The following PTPRG variants were observed in gnomAD, a reference collection of about 807,000 sequenced individuals.
PTPRG encodes the protein protein tyrosine phosphatase receptor type G.
PTPRG carries 102 observed loss-of-function variants against 165.3 expected under a neutral mutation model. The observed-to-expected ratio is 0.62, with a 90% CI of 0.53 to 0.73. The LOEUF (loss-of-function observed/expected upper bound fraction) is 0.73. Among genes scored for constraint, PTPRG ranks in the 30% least tolerant of loss-of-function variants. PTPRG has a pLI of 0.00. For missense variants in PTPRG, 1,866 were observed against 1,861.4 expected, an observed-to-expected ratio of 1.00 and a Z score of -0.05; for synonymous variants, 675 against 669.5, an observed-to-expected ratio of 1.01 and a Z score of -0.13.
chr3:61,615,344 A>G (rs1701273439), intron 1 of PTPRG, among the ~76,000 whole-genome samples: 2 of 152,210 alleles, frequency 1.3e-5, no homozygotes, highest in Admixed American at 1.3e-4. Flanking sequence ...TTTTGAAGGT[A>G]ACACACCAGT....
At chr3:61,591,299 G>A (rs1302179244) in intron 1 of PTPRG, among the ~76,000 whole-genome samples, 1 of 152,132 alleles carries the variant, frequency 6.6e-6, no homozygotes, top group Non-Finnish European at 1.5e-5. Flanking sequence ...GATACCCGAG[G>A]GCAAGATTCA....
chr3:61,945,474 G>A (rs933565594), intron 2 of PTPRG, among the ~76,000 whole-genome samples: 2 of 142,470 alleles, frequency 1.4e-5, no homozygotes, highest in Admixed American at 7.6e-5. Flanking sequence ...CAGGAGAATT[G>A]CTTGAACCCG....
chr3:61,793,641 A>G (rs2034958399), intron 2 of PTPRG, among the ~76,000 whole-genome samples: 1 of 152,212 alleles, frequency 6.6e-6, no homozygotes, highest in African/African-American at 2.4e-5. Context: ...ACAAAAAGCT[A>G]TTGATAAAAA....
intron 2 of PTPRG, among the ~76,000 whole-genome samples, chr3:61,763,284 C>A (rs1023160681): frequency 5.3e-5 from 8 of 151,948 alleles, no homozygotes; most frequent in African/African-American, 1.9e-4. Flanking sequence ...GTTGCCCAGG[C>A]TGGAGTGCAG....
rs1381563429 is a variant in PTPRG, at chr3:62,254,473, T to C, written c.2468-651T>C. 6.6e-6 allele frequency among the ~76,000 whole-genome samples: 1 copy of C among 152,108 alleles called. No individual in the cohort carries two copies. Among genetic ancestry groups the C allele is most frequent in the Non-Finnish European group, 1.5e-5 (1 of 68,016 alleles). ...CGAAATAAATGGGAATGTGGAGTCT[T>C]CCCGAATCTATACCTAGTCTGTCAA... On this transcript the variant is annotated intron_variant, in intron 15 of 29. Coordinates refer to ENST00000474889, the MANE Select transcript of PTPRG (RefSeq NM_002841.4). This position sits in a 1 kb window ranked among gnomAD's most constrained non-coding sequence, Gnocchi z 4.6.
chr3:61,759,124 G>C lies in PTPRG; in HGVS notation c.190+10142G>C, dbSNP rs1366762637. 7.2e-5 allele frequency among the ~76,000 whole-genome samples: 11 copies of C among 152,090 alleles called. 1 individual carries two copies. Among genetic ancestry groups the C allele is most frequent in the Admixed American group, 7.2e-4 (11 of 15,272 alleles). Reference sequence around the variant, plus strand: ...TCAGCTGGTAATCTCCTATGACCCTGTTTGAGATCAGCTACCTGAAGGGTG... The same window carrying C: ...TCAGCTGGTAATCTCCTATGACCCTCTTTGAGATCAGCTACCTGAAGGGTG... On this transcript the variant is annotated intron_variant, in intron 2 of 29. Coordinates refer to ENST00000474889, the MANE Select transcript of PTPRG (RefSeq NM_002841.4).
rs1703061160 is a variant in PTPRG, at chr3:62,296,316, CTGGTTGT to C, written c.*3013_*3019del. The C allele has an allele frequency of 6.6e-6, 1 of 151,946 alleles. No individual in the cohort carries two copies. The highest frequency in any genetic ancestry group is 2.1e-4 in the South Asian group (1 of 4,814). 9.4% of individuals were successfully genotyped at this position (151,946 alleles called of 1,614,324 possible). On this transcript the variant is annotated 3_prime_UTR_variant, in exon 30 of 30. Transcript: ENST00000474889. ...AAAGAAGGGTTACGGTGTTCAAGTTCTGGTTGTTGGAGTTTTTAGCCCAGAGTGACAT... is the reference window on the plus strand; with the variant it reads ...AAAGAAGGGTTACGGTGTTCAAGTTCTGGAGTTTTTAGCCCAGAGTGACAT...
intron 1 of PTPRG, among the ~76,000 whole-genome samples, chr3:61,614,637 C>A (rs1701257795): frequency 6.6e-6 from 1 of 152,066 alleles, no homozygotes; most frequent in African/African-American, 2.4e-5. Context: ...GTCTTGAACT[C>A]CTGGATTCAA....
At chr3:61,675,366 G>T (rs1174413179) in intron 1 of PTPRG, among the ~76,000 whole-genome samples, 2 of 152,064 alleles carry the variant, frequency 1.3e-5, no homozygotes, top group African/African-American at 2.4e-5. Flanking sequence ...CATGGTTGAG[G>T]TTGTTTCATT....
At position 61,562,494 on chromosome 3, in the gene PTPRG, C is replaced by G. The variant is rs1214827174; in HGVS notation, c.85+122C>G. 5 of 835,234 alleles carry G rather than the reference C, an allele frequency of 6.0e-6. No individual in the cohort carries two copies. In the African/African-American group the frequency reaches 8.4e-5, roughly 14 times the overall value. 51.7% of individuals were successfully genotyped at this position (835,234 alleles called of 1,614,324 possible). ...GACCCTGGAGAGGGTGGAGGGTGGC[C>G]CGGCGCCCGGATAGGAGAAAAGGAT... On this transcript the variant is annotated intron_variant, in intron 1 of 29. Transcript: ENST00000474889.
intron 1 of PTPRG, among the ~76,000 whole-genome samples, chr3:61,668,326 G>A (rs1021906856): frequency 6.6e-6 from 1 of 152,202 alleles, no homozygotes; most frequent in African/African-American, 2.4e-5. Context: ...GGCATTTGGG[G>A]GAAGAGAAAG....
rs370694529 is a variant in PTPRG at position 62,259,411 on chromosome 3, GA to G, written c.2560-3377del. Among the ~76,000 whole-genome samples, 464 of 148,012 alleles carry G rather than the reference GA, an allele frequency of 3.1e-3. 4 individuals carry two copies. Among genetic ancestry groups the G allele is most frequent in the African/African-American group, 0.011 (430 of 40,366 alleles). ...AGCTGATGAGCTAAAAAATTGCAGG[GA>G]AAAAAAAAACCCTCAATGTTTTAAG... On this transcript the variant is annotated intron_variant, in intron 16 of 29. Coordinates refer to ENST00000474889, the MANE Select transcript of PTPRG (RefSeq NM_002841.4).
chr3:61,617,491 T>C (rs1466355275), intron 1 of PTPRG, among the ~76,000 whole-genome samples: 1 of 152,208 alleles, frequency 6.6e-6, no homozygotes, highest in African/African-American at 2.4e-5. Flanking sequence ...AAGAAGATAG[T>C]GTTAATCAGA....
chr3:61,961,653 C>A (rs1245068069), intron 2 of PTPRG, among the ~76,000 whole-genome samples: 1 of 152,122 alleles, frequency 6.6e-6, no homozygotes, highest in Non-Finnish European at 1.5e-5. Context: ...CTTGAAAAAT[C>A]TTAAGGTTTC....
At chr3:62,087,968 C>A (rs1701804857) in intron 5 of PTPRG, among the ~76,000 whole-genome samples, 1 of 152,088 alleles carries the variant, frequency 6.6e-6, no homozygotes, top group Non-Finnish European at 1.5e-5. Context: ...AGTTTCCTCC[C>A]TTTTATAAAA....
intron 4 of PTPRG, among the ~76,000 whole-genome samples, chr3:62,065,488 G>C (rs905397275): frequency 1.3e-5 from 2 of 152,188 alleles, no homozygotes; most frequent in African/African-American, 4.8e-5. Context: ...GGGGCTTGCA[G>C]CCCTGCTGGA....
intron 8 of PTPRG, among the ~76,000 whole-genome samples, chr3:62,179,591 C>T (rs1431755480): frequency 6.6e-6 from 1 of 152,218 alleles, no homozygotes; most frequent in Non-Finnish European, 1.5e-5. Flanking sequence ...CTCTTCAGAG[C>T]GTATGGACCT....
At chr3:61,723,869 TC>T (rs2032149410) in intron 1 of PTPRG, among the ~76,000 whole-genome samples, 1 of 152,162 alleles carries the variant, frequency 6.6e-6, no homozygotes, top group Admixed American at 6.6e-5. Flanking sequence ...ATTGCAAACA[TC>T]CTTTCCTCTA....
chr3:62,060,893 A>G (rs1006023581), intron 4 of PTPRG, among the ~76,000 whole-genome samples: 90 of 152,236 alleles, frequency 5.9e-4, no homozygotes, highest in African/African-American at 2.1e-3. Flanking sequence ...TTGCCTTATC[A>G]TTGGCTTTTT....
Sources: allele counts gnomAD v4.1 joint callset (sites outside exome capture counted in the v4.1 genomes callset), GRCh38; gene constraint gnomAD v4.1.1; non-coding constraint Gnocchi (gnomAD v3.1); transcripts MANE v1.5; gene names NCBI Gene and HGNC (gene_info 2026-07-23, HGNC 2026-07-21).